Variants in CTNNA3 observed in about 807,000 individuals in gnomAD.
The protein encoded by CTNNA3 is catenin alpha-3.
Under a neutral mutation model 95.7 loss-of-function variants are expected in CTNNA3, and 76 were observed. The observed-to-expected ratio is 0.79, with a 90% CI of 0.66 to 0.96. The LOEUF is 0.96. Ranked by LOEUF, CTNNA3 falls within the 40% of genes least tolerant of loss-of-function variation. The pLI is 0.00. For missense variants in CTNNA3, 1,191 were observed against 1,089.8 expected, an observed-to-expected ratio of 1.09 and a Z score of -1.31; for synonymous variants, 431 against 374.4, an observed-to-expected ratio of 1.15 and a Z score of -1.74.
chr10:66,170,247 T>TA (rs1244143011), intron 13 of CTNNA3, among the ~76,000 whole-genome samples: 1 of 144,646 alleles, frequency 6.9e-6, no homozygotes. Context: ...TTGTCTTTTT[T>TA]TTTTTTTTTT....
intron 7 of CTNNA3, among the ~76,000 whole-genome samples, chr10:66,940,361 T>C (rs1464101706): frequency 6.6e-6 from 1 of 152,066 alleles, no homozygotes; most frequent in Non-Finnish European, 1.5e-5. Context: ...CTGGGTGTGA[T>C]GGCACATGCT....
intron 7 of CTNNA3, among the ~76,000 whole-genome samples, chr10:66,858,728 G>A (rs978456774): frequency 2.0e-5 from 3 of 151,680 alleles, no homozygotes; most frequent in Non-Finnish European, 4.4e-5. Flanking sequence ...TGGGGTCAGC[G>A]GTAATGTCCC....
chr10:66,926,980 G>C lies in CTNNA3; in HGVS notation c.1048-151456C>G, dbSNP rs140888093. On this transcript the variant is annotated intron_variant, in intron 7 of 17. Coordinates refer to ENST00000433211, the MANE Select transcript of CTNNA3 (RefSeq NM_013266.4). Reference sequence around the variant, plus strand: ...TGTAGCACTGGTTATAGCCCCCACTGTCTTACTGACAATGCTTTCTTCTGC... The same window carrying C: ...TGTAGCACTGGTTATAGCCCCCACTCTCTTACTGACAATGCTTTCTTCTGC... 2.4e-4 allele frequency: 393 copies of C among 1,614,092 alleles called. 2 individuals carry two copies. The highest frequency in any genetic ancestry group is 1.8e-3 in the Middle Eastern group (11 of 6,062).
At chr10:67,477,360 G>C (rs1005466933) in intron 5 of CTNNA3, among the ~76,000 whole-genome samples, 5 of 151,932 alleles carry the variant, frequency 3.3e-5, no homozygotes, top group Non-Finnish European at 7.4e-5. Context: ...CCACCCCCGG[G>C]GGCAAAGCAG....
At chr10:67,537,023 T>C (rs1236999083) in intron 4 of CTNNA3, among the ~76,000 whole-genome samples, 2 of 152,164 alleles carry the variant, frequency 1.3e-5, no homozygotes, top group Non-Finnish European at 2.9e-5. Flanking sequence ...CAAAAGATGT[T>C]CCCTTCTCTT....
At chr10:66,352,896 CTG>C (rs1589128911) in intron 12 of CTNNA3, among the ~76,000 whole-genome samples, 1 of 151,854 alleles carries the variant, frequency 6.6e-6, no homozygotes, top group South Asian at 2.1e-4. Context: ...GGGAGGCAGA[CTG>C]TGGTGAAGCA....
intron 1 of CTNNA3, among the ~76,000 whole-genome samples, chr10:67,734,023 G>A (rs928179560): frequency 5.3e-5 from 8 of 152,046 alleles, no homozygotes; most frequent in African/African-American, 1.9e-4. Flanking sequence ...CAACCACGCT[G>A]GATTTTTAAA....
chr10:66,462,936 C>A (rs566695554), intron 11 of CTNNA3, among the ~76,000 whole-genome samples: 1 of 152,050 alleles, frequency 6.6e-6, no homozygotes, highest in African/African-American at 2.4e-5. Context: ...GGATAGTTTT[C>A]TAAAATTAAA....
chr10:67,684,034 C>G (rs534358518), intron 1 of CTNNA3, among the ~76,000 whole-genome samples: 1 of 152,338 alleles, frequency 6.6e-6, no homozygotes, highest in African/African-American at 2.4e-5. Context: ...GCTTCCACAG[C>G]ATGGAAGGGG....
At chr10:66,683,615 AT>A (rs1847144150) in intron 9 of CTNNA3, among the ~76,000 whole-genome samples, 1 of 148,412 alleles carries the variant, frequency 6.7e-6, no homozygotes, top group Non-Finnish European at 1.5e-5. Context: ...TAATGCAGTA[AT>A]GTGCTATGCA....
At chr10:66,284,296 G>A (rs1185984778) in intron 12 of CTNNA3, among the ~76,000 whole-genome samples, 2 of 151,800 alleles carry the variant, frequency 1.3e-5, no homozygotes, top group African/African-American at 2.4e-5. Flanking sequence ...TAATCCTCAC[G>A]GAAGCCCTGT....
intron 5 of CTNNA3, among the ~76,000 whole-genome samples, chr10:67,384,920 C>G (rs1844091943): frequency 6.6e-6 from 1 of 152,112 alleles, no homozygotes; most frequent in Non-Finnish European, 1.5e-5. Context: ...ATTTGAATTT[C>G]TTTTCAATTA....
chr10:66,945,673 A>T (rs1203903359), intron 7 of CTNNA3, among the ~76,000 whole-genome samples: 1 of 152,120 alleles, frequency 6.6e-6, no homozygotes, highest in African/African-American at 2.4e-5. Flanking sequence ...CTTTCAACCT[A>T]TTTCAGCTTT....
chr10:66,142,126 T>C (rs2083650259), intron 13 of CTNNA3, among the ~76,000 whole-genome samples: 1 of 152,178 alleles, frequency 6.6e-6, no homozygotes, highest in Non-Finnish European at 1.5e-5. Flanking sequence ...AGAAATGTTA[T>C]AGGTTTGTAT....
intron 10 of CTNNA3, among the ~76,000 whole-genome samples, chr10:66,523,319 C>A (rs1841134710): frequency 2.6e-5 from 4 of 152,074 alleles, no homozygotes; most frequent in Admixed American, 2.6e-4. Flanking sequence ...ATAAGACAGG[C>A]TACATTTTAT....
At chr10:67,533,185 A>C (rs1840387282) in intron 4 of CTNNA3, among the ~76,000 whole-genome samples, 1 of 152,058 alleles carries the variant, frequency 6.6e-6, no homozygotes, top group Admixed American at 6.5e-5. Context: ...TTAGCCTGGC[A>C]TGGTGGTGCA....
At chr10:66,612,552 A>G (rs1844363970) in intron 10 of CTNNA3, among the ~76,000 whole-genome samples, 3 of 152,124 alleles carry the variant, frequency 2.0e-5, no homozygotes, top group East Asian at 1.9e-4. Flanking sequence ...TGGTTATTAG[A>G]AAGACTGGAC....
At chr10:67,039,877 C>T (rs1415400727) in intron 7 of CTNNA3, among the ~76,000 whole-genome samples, 1 of 152,076 alleles carries the variant, frequency 6.6e-6, no homozygotes, top group African/African-American at 2.4e-5. Context: ...AATCTGAATA[C>T]CTATGACCTC....
intron 3 of CTNNA3, among the ~76,000 whole-genome samples, chr10:67,575,844 G>C (rs950418446): frequency 6.6e-6 from 1 of 152,098 alleles, no homozygotes; most frequent in African/African-American, 2.4e-5. Flanking sequence ...GTATTCCTTT[G>C]CTGTAGTTTC....
Sources: gnomAD v4.1 joint callset for allele counts (sites outside exome capture counted in the v4.1 genomes callset) on GRCh38, gnomAD v4.1.1 for gene constraint, MANE v1.5 for transcripts, NCBI Gene and HGNC (gene_info 2026-07-23, HGNC 2026-07-21) for gene names.